Variants in FBP1 observed in about 807,000 individuals in gnomAD.
The protein encoded by FBP1 is fructose-1,6-bisphosphatase 1.
In FBP1, 22 loss-of-function variants were observed where a neutral mutation model predicts 29.9. That is an observed-to-expected ratio of 0.74 (90% CI 0.53 to 1.05). FBP1 has a LOEUF of 1.05. Ranked by LOEUF, FBP1 falls within the 50% of genes least tolerant of loss-of-function variation. The pLI is 0.00. For synonymous variants in FBP1, 175 were observed against 178.6 expected, an observed-to-expected ratio of 0.98 and a Z score of 0.16; for missense variants, 345 against 448.2, an observed-to-expected ratio of 0.77 and a Z score of 2.08.
At chr9:94,616,142 T>C (rs1380093149) in intron 3 of FBP1, among the ~76,000 whole-genome samples, 1 of 152,096 alleles carries the variant, frequency 6.6e-6, no homozygotes, top group East Asian at 1.9e-4. Context: ...GTCTCAGTTC[T>C]TAAGTTAATG....
intron 1 of FBP1, among the ~76,000 whole-genome samples, chr9:94,632,617 G>A (rs1015024385): frequency 6.2e-5 from 9 of 144,278 alleles, no homozygotes; most frequent in Admixed American, 4.1e-4. Flanking sequence ...GCAGTGAACC[G>A]AGATCACACC....
chr9:94,639,461 A>G lies in FBP1; in HGVS notation c.-151T>C. ...GCGGGCCGCGGGACCTGGCGGGAGGACTGACAGACCGACTGCCGCCCCGAG... is the reference window on the plus strand; with the variant it reads ...GCGGGCCGCGGGACCTGGCGGGAGGGCTGACAGACCGACTGCCGCCCCGAG... On this transcript the variant is annotated 5_prime_UTR_variant, in exon 1 of 7. Transcript: ENST00000375326. 1.2e-6 allele frequency: 1 copy of G among 863,908 alleles called. No individual in the cohort carries two copies. The highest frequency in any genetic ancestry group is 2.1e-5 in the Admixed American group (1 of 48,598). The allele number at this position is 863,908 out of a possible 1,614,324, so 53.5% of individuals were successfully genotyped here. A position where few individuals can be genotyped will look rare whatever the true frequency, so the allele number is the denominator to read the frequency against.
At chr9:94,606,657 A>C (rs1452604154) in intron 5 of FBP1, among the ~76,000 whole-genome samples, 158 bp downstream of exon 5, 1 of 152,086 alleles carries the variant, frequency 6.6e-6, no homozygotes, top group African/African-American at 2.4e-5. Flanking sequence ...GTAAGTCATC[A>C]ACCAATAGAT....
At chr9:94,610,088 G>GT in intron 3 of FBP1, 27 bp from the exon 4 acceptor site, 1 of 1,610,898 alleles carries the variant, frequency 6.2e-7, no homozygotes, top group Non-Finnish European at 8.5e-7. Flanking sequence ...ATCAAAGAAT[G>GT]TTTTTGTTTT....
intron 3 of FBP1, among the ~76,000 whole-genome samples, chr9:94,614,056 G>C (rs1014468826): frequency 7.3e-5 from 11 of 150,990 alleles, no homozygotes; most frequent in African/African-American, 2.7e-4. Context: ...ACTCCAGCCT[G>C]GGCGACACAG....
intron 1 of FBP1, 110 bp from the exon 2 acceptor site, chr9:94,620,601 A>G: frequency 9.1e-7 from 1 of 1,099,670 alleles, no homozygotes; most frequent in Admixed American, 2.0e-5. Context: ...GAAAGAGTTC[A>G]TGTCCTTTGC....
chr9:94,615,647 A>C (rs569079414), intron 3 of FBP1, among the ~76,000 whole-genome samples: 1 of 152,206 alleles, frequency 6.6e-6, no homozygotes, highest in African/African-American at 2.4e-5. Flanking sequence ...TGAATCTTCT[A>C]TTCCTCAAAC....
chr9:94,622,233 G>T (rs536190378), intron 1 of FBP1, among the ~76,000 whole-genome samples: 1 of 152,344 alleles, frequency 6.6e-6, no homozygotes, highest in Non-Finnish European at 1.5e-5. Context: ...TCATAGCCTG[G>T]GGTTGCCCTG....
At chr9:94,636,160 T>C (rs1247554527) in intron 1 of FBP1, among the ~76,000 whole-genome samples, 1 of 152,170 alleles carries the variant, frequency 6.6e-6, no homozygotes, top group Non-Finnish European at 1.5e-5. Context: ...CTTTAAAACC[T>C]GGTATTCACA....
chr9:94,624,211 A>C (rs1827989190), intron 1 of FBP1, among the ~76,000 whole-genome samples: 1 of 151,528 alleles, frequency 6.6e-6, no homozygotes, highest in African/African-American at 2.4e-5. Context: ...GGTGGCGGGC[A>C]CCTGTAGTCC....
At chr9:94,631,572 TGGAGCCA>T (rs1486654165) in intron 1 of FBP1, among the ~76,000 whole-genome samples, 1 of 152,192 alleles carries the variant, frequency 6.6e-6, no homozygotes, top group Non-Finnish European at 1.5e-5. Context: ...ACACAAGGAT[TGGAGCCA>T]GGGGCTGACA....
intron 4 of FBP1, among the ~76,000 whole-genome samples, chr9:94,609,269 C>G (rs1460629223): frequency 1.3e-5 from 2 of 152,028 alleles, no homozygotes; most frequent in Non-Finnish European, 2.9e-5. Flanking sequence ...AATGTGGGAG[C>G]TATTTTTGAA....
chr9:94,622,173 G>C (rs1304638677), intron 1 of FBP1, among the ~76,000 whole-genome samples: 1 of 152,228 alleles, frequency 6.6e-6, no homozygotes, highest in Non-Finnish European at 1.5e-5. Context: ...GAATCCAGTG[G>C]CTTGTCTAAA....
intron 3 of FBP1, among the ~76,000 whole-genome samples, chr9:94,616,193 T>G (rs1262485035): frequency 1.3e-5 from 2 of 152,038 alleles, no homozygotes; most frequent in East Asian, 3.9e-4. Flanking sequence ...ACCAACCTCT[T>G]CAGTCGATTC....
At chr9:94,604,274 C>T (rs1238081958) in intron 6 of FBP1, among the ~76,000 whole-genome samples, 3 of 151,664 alleles carry the variant, frequency 2.0e-5, no homozygotes, top group Admixed American at 6.6e-5. Flanking sequence ...TATTTGTGTT[C>T]AGGAACAATT....
At chr9:94,622,533 A>G (rs951289371) in intron 1 of FBP1, among the ~76,000 whole-genome samples, 14 of 152,128 alleles carry the variant, frequency 9.2e-5, no homozygotes, top group African/African-American at 3.4e-4. Flanking sequence ...AAACCATCCA[A>G]ACCCACATGC....
chr9:94,608,084 G>A (rs1002247187), intron 4 of FBP1, among the ~76,000 whole-genome samples: 3 of 152,182 alleles, frequency 2.0e-5, no homozygotes, highest in African/African-American at 4.8e-5. Flanking sequence ...GGTGCAGAGC[G>A]CAGGGCCCAG....
intron 1 of FBP1, among the ~76,000 whole-genome samples, chr9:94,637,924 A>C (rs1828216401): frequency 6.6e-6 from 1 of 151,886 alleles, no homozygotes; most frequent in South Asian, 2.1e-4. Flanking sequence ...TTCTACTAAA[A>C]AAAATTACAA....
Position 94,605,546 on chromosome 9 carries a change from C to T in FBP1, c.736G>A (p.Val246Met). 2 of 1,613,688 alleles carry T rather than the reference C, an allele frequency of 1.2e-6. No homozygotes were observed. The highest frequency in any genetic ancestry group is 8.5e-7 in the Non-Finnish European group (1 of 1,179,626). The change falls in exon 6 of 7, where the codon GTG (valine) becomes ATG (methionine). Residue 246 changes from valine (V) to methionine (M), a missense_variant. Physicochemically the swap from Val to Met is conservative, Grantham distance 21 (BLOSUM62 1). Transcript: ENST00000375326. ...TGAACATCAGCCACCATGGAGCCCA[C>T]ATACCGGGCCCCATAAGGAGCTGAA... ...DNSAPYGARY[V>M]GSMVADVHRT...
Sources: allele counts gnomAD v4.1 joint callset (sites outside exome capture counted in the v4.1 genomes callset), GRCh38; gene constraint gnomAD v4.1.1; transcripts MANE v1.5; gene names NCBI Gene and HGNC (gene_info 2026-07-23, HGNC 2026-07-21).